Variants in CSMD1 observed in about 807,000 individuals in gnomAD.
CSMD1 encodes CUB and Sushi multiple domains 1.
CSMD1 carries 213 observed loss-of-function variants against 417.5 expected under a neutral mutation model. That is an observed-to-expected ratio of 0.51 (90% confidence interval 0.46 to 0.57). CSMD1 has a LOEUF of 0.57. Ranked by LOEUF, CSMD1 falls within the 20% of genes least tolerant of loss-of-function variation. The pLI, the probability that CSMD1 is intolerant of heterozygous loss-of-function variation, is 0.00. For synonymous variants in CSMD1, 2,862 were observed against 1,736.8 expected (o/e 1.65, Z -16.11); for missense variants, 6,923 against 4,529.7 (o/e 1.53, Z -15.17).
chr8:4,009,773 C>A (rs1816402808), intron 4 of CSMD1, among the ~76,000 whole-genome samples: 1 of 152,022 alleles, frequency 6.6e-6, no homozygotes, highest in African/African-American at 2.4e-5. Flanking sequence ...ATGAAAGGAA[C>A]CCAGAGACAT....
intron 1 of CSMD1, among the ~76,000 whole-genome samples, chr8:4,658,360 T>G (rs11997866): frequency 0.11 from 16,039 of 152,066 alleles, 1,639 homozygotes; most frequent in African/African-American, 0.26. Context: ...AAGACAGAAG[T>G]AACTTATTAT....
At chr8:4,796,314 G>A (rs1797979589) in intron 1 of CSMD1, among the ~76,000 whole-genome samples, 1 of 151,856 alleles carries the variant, frequency 6.6e-6, no homozygotes, top group Admixed American at 6.6e-5. Flanking sequence ...GAGATGAGAT[G>A]ACAAGCGACC....
At chr8:4,720,678 T>A (rs1808994389) in intron 1 of CSMD1, among the ~76,000 whole-genome samples, 1 of 152,206 alleles carries the variant, frequency 6.6e-6, no homozygotes, top group South Asian at 2.1e-4. Flanking sequence ...TGCCTTGGCT[T>A]CCCAAAGAGC....
chr8:4,621,895 G>C (rs1351906078), intron 2 of CSMD1, among the ~76,000 whole-genome samples: 1 of 151,870 alleles, frequency 6.6e-6, no homozygotes, highest in African/African-American at 2.4e-5. Flanking sequence ...CTAATTCAAT[G>C]TAATTGAACA....
At chr8:4,349,955 T>C (rs1223651454) in intron 3 of CSMD1, among the ~76,000 whole-genome samples, 1 of 151,940 alleles carries the variant, frequency 6.6e-6, no homozygotes, top group African/African-American at 2.4e-5. Flanking sequence ...ACAAAACAAA[T>C]GTATGCTGTA....
chr8:4,289,223 G>T (rs1003441534), intron 3 of CSMD1, among the ~76,000 whole-genome samples: 1 of 152,128 alleles, frequency 6.6e-6, no homozygotes, highest in Non-Finnish European at 1.5e-5. Flanking sequence ...ATACCTGTCG[G>T]TCATTTCTCA....
intron 5 of CSMD1, among the ~76,000 whole-genome samples, chr8:3,974,496 T>C (rs1585060209): frequency 6.6e-6 from 1 of 152,066 alleles, no homozygotes; most frequent in African/African-American, 2.4e-5. Flanking sequence ...AAAAAAAGTA[T>C]TTATTTTTAA....
At chr8:4,921,336 T>C (rs1806486152) in intron 1 of CSMD1, among the ~76,000 whole-genome samples, 1 of 152,182 alleles carries the variant, frequency 6.6e-6, no homozygotes, top group Non-Finnish European at 1.5e-5. Flanking sequence ...CAAATTCCAT[T>C]ATAAATTATG....
chr8:4,660,311 G>A (rs528342504), intron 1 of CSMD1, among the ~76,000 whole-genome samples: 2 of 151,954 alleles, frequency 1.3e-5, no homozygotes. Flanking sequence ...ACAATTTAAA[G>A]CCATTCAAAA....
intron 54 of CSMD1, among the ~76,000 whole-genome samples, chr8:2,990,093 T>G (rs1158746882): frequency 6.6e-6 from 1 of 152,232 alleles, no homozygotes; most frequent in African/African-American, 2.4e-5. Context: ...GGACAACATT[T>G]GTGGACATTC....
chr8:4,633,308 G>A (rs1038446194), intron 2 of CSMD1, among the ~76,000 whole-genome samples: 7 of 145,768 alleles, frequency 4.8e-5, no homozygotes, highest in African/African-American at 1.8e-4. Context: ...GTGCAGTGGT[G>A]CGATCTCGGC....
intron 10 of CSMD1, among the ~76,000 whole-genome samples, chr8:3,566,657 G>A (rs1456932075): frequency 1.3e-5 from 2 of 152,032 alleles, no homozygotes; most frequent in Non-Finnish European, 2.9e-5. Context: ...TATACATTCA[G>A]CTAAGAAGCA....
In CSMD1 at chr8:4,261,705, T is replaced by C. The variant is rs148483381; in HGVS notation, c.415+158248A>G. Among the ~76,000 whole-genome samples, 871 of 152,256 alleles carry C rather than the reference T, an allele frequency of 5.7e-3. 8 individuals are homozygous for C. The highest frequency in any genetic ancestry group is 0.02 in the African/African-American group (835 of 41,550). ...GACTACAGGCATGAGTCACCTCTTC[T>C]GGCTGAGAGCAGATCTTAAATGCCC... On this transcript the variant is annotated intron_variant, in intron 3 of 69. Coordinates refer to ENST00000635120, the MANE Select transcript of CSMD1 (RefSeq NM_033225.6).
chr8:3,685,592 C>T (rs1306294402), intron 7 of CSMD1, among the ~76,000 whole-genome samples: 1 of 152,156 alleles, frequency 6.6e-6, no homozygotes, highest in Non-Finnish European at 1.5e-5. Flanking sequence ...TCTGGCATCT[C>T]ATTGCCTGGA....
chr8:4,908,292 T>C (rs543319691), intron 1 of CSMD1, among the ~76,000 whole-genome samples: 4 of 152,350 alleles, frequency 2.6e-5, no homozygotes, highest in African/African-American at 9.6e-5. Context: ...GTTTCCTTTA[T>C]CTCTGGTTTT....
At chr8:4,137,866 A>T (rs34026758) in intron 3 of CSMD1, among the ~76,000 whole-genome samples, 20 of 87,436 alleles carry the variant, frequency 2.3e-4, no homozygotes, top group South Asian at 9.2e-4. Context: ...GCCTTACATT[A>T]TTTTTTTTAA....
intron 3 of CSMD1, among the ~76,000 whole-genome samples, chr8:4,204,281 A>G (rs73658474): frequency 8.6e-4 from 130 of 151,910 alleles, no homozygotes; most frequent in Non-Finnish European, 1.6e-3. Context: ...AAAAAACCTC[A>G]ATTTGGAAGT....
At chr8:4,205,483 C>G (rs1001363640) in intron 3 of CSMD1, among the ~76,000 whole-genome samples, 11 of 152,128 alleles carry the variant, frequency 7.2e-5, no homozygotes, top group African/African-American at 2.2e-4. Context: ...TTTAGTTCTA[C>G]AAACAAGCCA....
Position 4,312,396 on chromosome 8 carries a change from T to TATATATATATAC in CSMD1, c.415+107556_415+107557insGTATATATATAT, listed in dbSNP as rs1159507543. ...GAACAAATATATATATATATATACA[T>TATATATATATAC]ACATATATATGCGTGTATATATATG... On this transcript the variant is annotated intron_variant, in intron 3 of 69. Transcript: ENST00000635120. Among the ~76,000 whole-genome samples, 46 of 99,048 alleles carry TATATATATATAC rather than the reference T, an allele frequency of 4.6e-4. 3 individuals carry two copies. The highest frequency in any genetic ancestry group is 3.1e-3 in the African/African-American group (40 of 12,848). 65.0% of individuals were successfully genotyped at this position (99,048 alleles called of 152,430 possible). A position where few individuals can be genotyped will look rare whatever the true frequency, so the allele number is the denominator to read the frequency against.
Sources: allele counts gnomAD v4.1 joint callset (sites outside exome capture counted in the v4.1 genomes callset), GRCh38; gene constraint gnomAD v4.1.1; transcripts MANE v1.5; gene names NCBI Gene and HGNC (gene_info 2026-07-23, HGNC 2026-07-21).